The following CEP112 variants were observed in gnomAD, a reference collection of about 807,000 sequenced individuals.
CEP112 encodes the protein centrosomal protein 112, also known as centrosomal protein of 112 kDa.
A neutral mutation model predicts 153.0 loss-of-function variants in CEP112; 127 were observed. The ratio of observed to expected loss-of-function variants is 0.83; its 90% CI spans 0.72 to 0.96. The LOEUF (loss-of-function observed/expected upper bound fraction) is 0.96. Ranked by LOEUF, CEP112 falls within the 40% of genes least tolerant of loss-of-function variation. The pLI is 0.00. For synonymous variants in CEP112, 358 were observed against 374.4 expected, an observed-to-expected ratio of 0.96 and a Z score of 0.51; for missense variants, 1,089 against 1,101.2, an observed-to-expected ratio of 0.99 and a Z score of 0.16.
chr17:65,750,121 T>C (rs16962769), intron 22 of CEP112, among the ~76,000 whole-genome samples: 2,675 of 152,316 alleles, frequency 0.018, 79 homozygotes, highest in African/African-American at 0.061. Flanking sequence ...TTTCTTATAC[T>C]AAAACTACAA....
intron 18 of CEP112, among the ~76,000 whole-genome samples, chr17:65,942,526 A>T (rs1384909708): frequency 6.6e-6 from 1 of 152,172 alleles, no homozygotes; most frequent in African/African-American, 2.4e-5. Flanking sequence ...AGCTTTGCAT[A>T]TCTGGAAAAG....
At chr17:65,784,206 G>T (rs1052948964) in intron 21 of CEP112, among the ~76,000 whole-genome samples, 2 of 152,310 alleles carry the variant, frequency 1.3e-5, no homozygotes, top group Admixed American at 6.5e-5. Flanking sequence ...GGTGAACTAG[G>T]CGAGTAATGT....
chr17:65,754,539 C>T (rs774565622), intron 21 of CEP112, among the ~76,000 whole-genome samples: 4 of 151,954 alleles, frequency 2.6e-5, no homozygotes, highest in Non-Finnish European at 4.4e-5. Flanking sequence ...AACTGGGAGG[C>T]GGAGGTTGCA....
intron 12 of CEP112, among the ~76,000 whole-genome samples, chr17:66,050,591 CA>C (rs1254095033): frequency 4.6e-5 from 7 of 152,144 alleles, no homozygotes; most frequent in African/African-American, 1.4e-4. Context: ...GTCGTATTAT[CA>C]AATATCTACA....
intron 26 of CEP112, 109 bp from the exon 27 acceptor site, chr17:65,636,083 G>T: frequency 9.7e-7 from 1 of 1,027,912 alleles, no homozygotes; most frequent in Non-Finnish European, 1.5e-6. Flanking sequence ...AAGGCTATTT[G>T]ATATCAAAAT....
In CEP112 at chr17:65,885,085, G is replaced by A. The variant is rs150050224; in HGVS notation, c.2163+17067C>T. Among the ~76,000 whole-genome samples the A allele has an allele frequency of 1.2e-4, 19 of 152,166 alleles. No homozygotes were observed. The East Asian group carries it at 3.7e-3, about 29-fold the overall frequency. ...AGAATGTTGTATAATTATTAAGTCT[G>A]CACAATTAAATGGTACCTAACCTCC... On this transcript the variant is annotated intron_variant, in intron 20 of 26. Transcript: ENST00000535342.
chr17:66,097,395 C>G (rs2068392946), intron 6 of CEP112, among the ~76,000 whole-genome samples: 1 of 152,146 alleles, frequency 6.6e-6, no homozygotes. Context: ...CTGGCATCTC[C>G]CTGTTTCAAA....
At chr17:66,161,636 G>A (rs2071711469) in intron 4 of CEP112, among the ~76,000 whole-genome samples, 1 of 152,020 alleles carries the variant, frequency 6.6e-6, no homozygotes, top group Non-Finnish European at 1.5e-5. Flanking sequence ...TTGAACATGA[G>A]AACACATGGA....
rs190325178 is a variant in CEP112 at position 65,739,992 on chromosome 17, A to C, written c.2607+3076T>G. 3.3e-5 allele frequency among the ~76,000 whole-genome samples: 5 copies of C among 152,274 alleles called. No homozygotes were observed. The East Asian group carries it at 9.7e-4, about 29-fold the overall frequency. ...TGCTATTATAGTTTAAATATAGATAAAATTAAAAAATCATAAATTCTACCA... is the reference window on the plus strand; with the variant it reads ...TGCTATTATAGTTTAAATATAGATACAATTAAAAAATCATAAATTCTACCA... On this transcript the variant is annotated intron_variant, in intron 23 of 26. Coordinates refer to ENST00000535342, the MANE Select transcript of CEP112 (RefSeq NM_001199165.4).
At chr17:65,681,675 A>ATT (rs5821583) in intron 24 of CEP112, among the ~76,000 whole-genome samples, 17,424 of 133,376 alleles carry the variant, frequency 0.13, 1,592 homozygotes, top group East Asian at 0.45. Flanking sequence ...CCTTTTTTTA[A>ATT]TTTTTTTTTT....
intron 8 of CEP112, among the ~76,000 whole-genome samples, chr17:66,092,617 T>C (rs915195019): frequency 2.6e-5 from 4 of 151,920 alleles, no homozygotes; most frequent in Non-Finnish European, 5.9e-5. Context: ...GATGCAAAAG[T>C]CCTCAACAAA....
At chr17:65,702,127 C>T (rs566123165) in intron 23 of CEP112, among the ~76,000 whole-genome samples, 19 of 152,152 alleles carry the variant, frequency 1.2e-4, no homozygotes, top group African/African-American at 4.1e-4. Flanking sequence ...CTGCCCGCCT[C>T]GGCCTCCCAA....
intron 6 of CEP112, among the ~76,000 whole-genome samples, chr17:66,125,575 T>C (rs1052296048): frequency 2.6e-5 from 4 of 151,436 alleles, no homozygotes; most frequent in African/African-American, 9.7e-5. Context: ...AAAAAAAGCA[T>C]GAAATTGCCT....
Position 66,176,914 on chromosome 17 carries a change from C to G in CEP112, c.213G>C (p.Leu71Phe). Reference sequence around the variant, plus strand: ...CAAGCGCACCTCGTTTAAGCATATGCAATAACAATTTTGCATACAGGTTCC... The same window carrying G: ...CAAGCGCACCTCGTTTAAGCATATGGAATAACAATTTTGCATACAGGTTCC... ...KNRNLYAKLL[L>F]HMLKRGALEG... The change falls in exon 3 of 27, where the codon TTG (leucine) becomes TTC (phenylalanine). Residue 71 changes from leucine to phenylalanine, a missense_variant. Physicochemically the swap from Leu to Phe is conservative, Grantham distance 22 (BLOSUM62 0). Coordinates refer to ENST00000535342, the MANE Select transcript of CEP112 (RefSeq NM_001199165.4). 1 of 1,613,884 alleles carries G rather than the reference C, an allele frequency of 6.2e-7. No individual in the cohort carries two copies. The highest frequency in any genetic ancestry group is 8.5e-7 in the Non-Finnish European group (1 of 1,179,896).
chr17:65,780,816 G>T (rs1429650695), intron 21 of CEP112, among the ~76,000 whole-genome samples: 3 of 152,024 alleles, frequency 2.0e-5, no homozygotes, highest in Non-Finnish European at 4.4e-5. Flanking sequence ...ATGATCAAAT[G>T]ACATGAATCA....
At chr17:65,719,260 G>A (rs1293269444) in intron 23 of CEP112, among the ~76,000 whole-genome samples, 2 of 152,132 alleles carry the variant, frequency 1.3e-5, no homozygotes, top group Non-Finnish European at 2.9e-5. Flanking sequence ...GAGAACCAAA[G>A]GGCACAAGAG....
Position 65,884,712 on chromosome 17 carries a change from T to C in CEP112, c.2163+17440A>G, listed in dbSNP as rs1265898906. 2.7e-5 allele frequency among the ~76,000 whole-genome samples: 4 copies of C among 149,822 alleles called. No homozygotes were observed. In the East Asian group the frequency reaches 7.8e-4, roughly 29 times the overall value. On this transcript the variant is annotated intron_variant, in intron 20 of 26. Coordinates refer to ENST00000535342, the MANE Select transcript of CEP112 (RefSeq NM_001199165.4). ...GGATATTAGTTTGTAGTTTCTTTTT[T>C]TTTTTTCTTTTTTTTTTTTTTTGAG...
intron 4 of CEP112, among the ~76,000 whole-genome samples, chr17:66,154,228 T>C (rs527595458): frequency 1.3e-4 from 19 of 151,344 alleles, no homozygotes; most frequent in Non-Finnish European, 2.7e-4. Context: ...TTAAAAATAA[T>C]GCTAGGCTGG....
chr17:65,740,991 G>A (rs911449346), intron 23 of CEP112, among the ~76,000 whole-genome samples: 17 of 152,154 alleles, frequency 1.1e-4, no homozygotes, highest in Admixed American at 2.6e-4. Context: ...GTACACTGGG[G>A]TATGGTATAA....
Sources: allele counts gnomAD v4.1 joint callset (sites outside exome capture counted in the v4.1 genomes callset), GRCh38; gene constraint gnomAD v4.1.1; transcripts MANE v1.5; gene names NCBI Gene and HGNC (gene_info 2026-07-23, HGNC 2026-07-21).